The following SEMA5A variants were observed in gnomAD, a reference collection of about 807,000 sequenced individuals.
The protein encoded by SEMA5A is semaphorin 5A.
A neutral mutation model predicts 135.5 loss-of-function variants in SEMA5A; 55 were observed. The ratio of observed to expected loss-of-function variants is 0.41; its 90% confidence interval spans 0.33 to 0.51. The LOEUF is 0.51. Among genes scored for constraint, SEMA5A ranks in the 20% least tolerant of loss-of-function variants. SEMA5A has a pLI of 0.37. For missense variants in SEMA5A, 1,290 were observed against 1,419.9 expected, an observed-to-expected ratio of 0.91 and a Z score of 1.47; for synonymous variants, 580 against 546.5, an observed-to-expected ratio of 1.06 and a Z score of -0.85.
At chr5:9,474,142 G>A (rs1245227976) in intron 1 of SEMA5A, among the ~76,000 whole-genome samples, 1 of 152,158 alleles carries the variant, frequency 6.6e-6, no homozygotes, top group Non-Finnish European at 1.5e-5. Flanking sequence ...CTGACAGAAA[G>A]AAGTCCTCTC....
intron 1 of SEMA5A, among the ~76,000 whole-genome samples, chr5:9,520,743 C>T (rs574145399): frequency 6.6e-6 from 1 of 152,278 alleles, no homozygotes; most frequent in African/African-American, 2.4e-5. Context: ...ATGAGAAAAA[C>T]CTCAGACACA....
At chr5:9,275,261 A>T (rs1750196750) in intron 5 of SEMA5A, among the ~76,000 whole-genome samples, 1 of 152,138 alleles carries the variant, frequency 6.6e-6, no homozygotes, top group East Asian at 1.9e-4. Flanking sequence ...GGACACATAC[A>T]CCCTCCCAAG....
At chr5:9,063,802 G>GTTGGGGTGAGTGGGGAA (rs1188856385) in intron 17 of SEMA5A, among the ~76,000 whole-genome samples, 14 of 152,236 alleles carry the variant, frequency 9.2e-5, no homozygotes, top group Non-Finnish European at 1.8e-4. Context: ...TGAGTGGGGA[G>GTTGGGGTGAGTGGGGAA]TTGCTGTGGC....
intron 5 of SEMA5A, among the ~76,000 whole-genome samples, chr5:9,285,613 C>T (rs533013239): frequency 6.6e-6 from 1 of 152,366 alleles, no homozygotes; most frequent in Non-Finnish European, 1.5e-5. Flanking sequence ...CACCAGCTCA[C>T]AAGTTCCCAC....
intron 3 of SEMA5A, among the ~76,000 whole-genome samples, chr5:9,351,378 G>A (rs2150750253): frequency 6.6e-6 from 1 of 152,234 alleles, no homozygotes; most frequent in Middle Eastern, 3.4e-3. Flanking sequence ...AGTTGTAATA[G>A]ATATGTGGCT....
At chr5:9,229,686 CT>C (rs1440219748) in intron 6 of SEMA5A, among the ~76,000 whole-genome samples, 1 of 150,730 alleles carries the variant, frequency 6.6e-6, no homozygotes, top group Non-Finnish European at 1.5e-5. Context: ...GCTTTTAGAA[CT>C]CTTTTAAAAG....
rs1745873157 is a variant in SEMA5A at position 9,204,039 on chromosome 5, C to CAG, written c.647-1801_647-1800dup. 6.6e-6 allele frequency among the ~76,000 whole-genome samples: 1 copy of CAG among 152,088 alleles called. No homozygotes were observed. Among genetic ancestry groups the CAG allele is most frequent in the African/African-American group, 2.4e-5 (1 of 41,400 alleles). ...TCCAAAACAGAATTACCTGATGAAG[C>CAG]AGGCCCCAAAAGCAAAGATACGGAA... On this transcript the variant is annotated intron_variant, in intron 8 of 22. Transcript: ENST00000382496. This position sits in a 1 kb window ranked among gnomAD's most constrained non-coding sequence, Gnocchi z 6.4.
chr5:9,144,899 G>C (rs961719112), intron 12 of SEMA5A, among the ~76,000 whole-genome samples: 1 of 152,170 alleles, frequency 6.6e-6, no homozygotes, highest in Non-Finnish European at 1.5e-5. Context: ...ACAACATGAA[G>C]TTGTTTGAAG....
At chr5:9,527,659 G>T (rs1737209438) in intron 1 of SEMA5A, among the ~76,000 whole-genome samples, 1 of 148,190 alleles carries the variant, frequency 6.7e-6, no homozygotes, top group South Asian at 2.1e-4. Flanking sequence ...TAACATTATG[G>T]AGTGCTCACT....
At chr5:9,354,089 C>T (rs1425914581) in intron 3 of SEMA5A, among the ~76,000 whole-genome samples, 1 of 152,130 alleles carries the variant, frequency 6.6e-6, no homozygotes, top group African/African-American at 2.4e-5. Context: ...CATGCCACAC[C>T]TCCAAATCAC....
At chr5:9,044,612 A>G (rs1736147028) in intron 21 of SEMA5A, 28 bp from the exon 22 acceptor site, 1 of 1,588,038 alleles carries the variant, frequency 6.3e-7, no homozygotes, top group Non-Finnish European at 8.6e-7. Flanking sequence ...AAGTGATGCC[A>G]CACTTGAAAA....
At chr5:9,155,697 CAGAAG>C (rs1742917023) in intron 11 of SEMA5A, among the ~76,000 whole-genome samples, 2 of 152,228 alleles carry the variant, frequency 1.3e-5, no homozygotes, top group South Asian at 2.1e-4. Context: ...ATTCTAAAAC[CAGAAG>C]TAGTCAAGAA....
chr5:9,160,246 A>G (rs1743179095), intron 11 of SEMA5A, among the ~76,000 whole-genome samples: 1 of 152,134 alleles, frequency 6.6e-6, no homozygotes, highest in African/African-American at 2.4e-5. Context: ...TCTGTCATCC[A>G]TCTCAAGGAC....
At chr5:9,060,426 C>T (rs1259474212) in intron 18 of SEMA5A, among the ~76,000 whole-genome samples, 1 of 152,070 alleles carries the variant, frequency 6.6e-6, no homozygotes. Flanking sequence ...GGTCTGGAGC[C>T]CAGGGAGACA....
intron 16 of SEMA5A, among the ~76,000 whole-genome samples, chr5:9,067,664 G>A (rs1020085209): frequency 6.6e-6 from 1 of 152,156 alleles, no homozygotes; most frequent in African/African-American, 2.4e-5. Flanking sequence ...TCTCCATAGA[G>A]CTAAACTTGA....
intron 1 of SEMA5A, among the ~76,000 whole-genome samples, chr5:9,460,997 G>A (rs1759034489): frequency 6.6e-6 from 1 of 152,180 alleles, no homozygotes; most frequent in Admixed American, 6.5e-5. Context: ...TGCTTAGCAA[G>A]TACTCTATCA....
At chr5:9,259,814 A>G (rs1416092038) in intron 5 of SEMA5A, among the ~76,000 whole-genome samples, 1 of 78,916 alleles carries the variant, frequency 1.3e-5, no homozygotes, top group East Asian at 4.1e-4. Context: ...TTGACACCCT[A>G]ACATCACAAT....
chr5:9,271,364 T>A (rs78900805), intron 5 of SEMA5A, among the ~76,000 whole-genome samples: 10,669 of 152,158 alleles, frequency 0.07, 529 homozygotes, highest in Non-Finnish European at 0.1. Context: ...TATAGCACTA[T>A]GAGAATGAAC....
At chr5:9,360,186 G>C (rs73052647) in intron 3 of SEMA5A, among the ~76,000 whole-genome samples, 1,626 of 152,258 alleles carry the variant, frequency 0.011, 27 homozygotes, top group African/African-American at 0.037. Flanking sequence ...TGTACTGTTA[G>C]TAAATTAATC....
Sources: allele counts gnomAD v4.1 joint callset (sites outside exome capture counted in the v4.1 genomes callset), GRCh38; gene constraint gnomAD v4.1.1; non-coding constraint Gnocchi (gnomAD v3.1); transcripts MANE v1.5; gene names NCBI Gene and HGNC (gene_info 2026-07-23, HGNC 2026-07-21).